The following LRRC8C variants were observed in gnomAD, a reference collection of about 807,000 sequenced individuals.
The protein encoded by LRRC8C is leucine rich repeat containing 8 VRAC subunit C.
LRRC8C carries 20 observed loss-of-function variants against 55.3 expected under a neutral mutation model. The ratio of observed to expected loss-of-function variants is 0.36; its 90% CI spans 0.25 to 0.53. LRRC8C has a LOEUF of 0.53. Ranked by LOEUF, LRRC8C falls within the 20% of genes least tolerant of loss-of-function variation. The probability of loss-of-function intolerance (pLI) is 0.92; values close to 1 mark genes in which losing one functional copy is unlikely to be tolerated. For synonymous variants in LRRC8C, 376 were observed against 360.7 expected, an observed-to-expected ratio of 1.04 and a Z score of -0.48; for missense variants, 659 against 951.4, an observed-to-expected ratio of 0.69 and a Z score of 4.04.
At chr1:89,684,084 A>T (rs1275353502) in intron 1 of LRRC8C, among the ~76,000 whole-genome samples, 1 of 152,062 alleles carries the variant, frequency 6.6e-6, no homozygotes, top group Non-Finnish European at 1.5e-5. Flanking sequence ...AATAAATTAT[A>T]TATATATTAC....
At chr1:89,700,595 C>A (rs1442119981) in intron 2 of LRRC8C, among the ~76,000 whole-genome samples, 3 of 152,206 alleles carry the variant, frequency 2.0e-5, no homozygotes, top group Admixed American at 6.5e-5. Context: ...TCTGAACAAT[C>A]CCTGGAGAAT....
intron 2 of LRRC8C, among the ~76,000 whole-genome samples, chr1:89,691,072 C>T (rs1208161281): frequency 2.0e-5 from 3 of 152,140 alleles, no homozygotes; most frequent in Non-Finnish European, 4.4e-5. Context: ...ACAAACAATC[C>T]TGTGCATCAG....
intron 1 of LRRC8C, among the ~76,000 whole-genome samples, chr1:89,645,037 C>T (rs7549392): frequency 0.011 from 1,652 of 152,246 alleles, 36 homozygotes; most frequent in African/African-American, 0.037. Context: ...AAATATAACT[C>T]ATTATCAAGA....
At chr1:89,694,491 G>C (rs546943022) in intron 2 of LRRC8C, among the ~76,000 whole-genome samples, 7 of 151,638 alleles carry the variant, frequency 4.6e-5, no homozygotes, top group Admixed American at 4.6e-4. Flanking sequence ...ACTCTGTTGC[G>C]CAGGCTGCTT....
chr1:89,675,742 G>A (rs988315608), intron 1 of LRRC8C, among the ~76,000 whole-genome samples: 3 of 152,188 alleles, frequency 2.0e-5, no homozygotes, highest in East Asian at 1.9e-4. Context: ...TTTAGAATCC[G>A]ATTGGGATTG....
chr1:89,638,671 G>T (rs1251261497), intron 1 of LRRC8C, among the ~76,000 whole-genome samples: 1 of 151,862 alleles, frequency 6.6e-6, no homozygotes, highest in Non-Finnish European at 1.5e-5. Context: ...ATACTTTATT[G>T]ACCCTTCAGC....
chr1:89,619,788 C>A, the LRRC8C span, among the ~76,000 whole-genome samples: 1 of 152,102 alleles, frequency 6.6e-6, no homozygotes, highest in Admixed American at 6.5e-5. Flanking sequence ...CACATGCTTA[C>A]AATATGTCAG....
chr1:89,686,253 T>C (rs546324385), intron 1 of LRRC8C, among the ~76,000 whole-genome samples: 226 of 152,248 alleles, frequency 1.5e-3, no homozygotes, highest in African/African-American at 5.3e-3. Context: ...ACCTTGTCAT[T>C]GGACAAGAAA....
chr1:89,709,741 G>GTTTTTTTTTTTTTTTTTTTTTTTTTTT, intron 2 of LRRC8C, among the ~76,000 whole-genome samples: 1 of 91,892 alleles, frequency 1.1e-5, no homozygotes, highest in African/African-American at 3.6e-5. Flanking sequence ...TTTGTGTGTG[G>GTTTTTTTTTTTTTTTTTTTTTTTTTTT]TTTTTTTTTG....
the LRRC8C span, among the ~76,000 whole-genome samples, chr1:89,619,992 G>C: frequency 6.6e-6 from 1 of 152,120 alleles, no homozygotes; most frequent in African/African-American, 2.4e-5. Context: ...AGTCCCTTTG[G>C]ACTGCTGTGA....
intron 2 of LRRC8C, among the ~76,000 whole-genome samples, chr1:89,691,865 A>G (rs1185379475): frequency 1.3e-5 from 2 of 152,216 alleles, no homozygotes; most frequent in South Asian, 2.1e-4. Context: ...AAAAAGAGAA[A>G]ATCGTTACAA....
Position 89,639,698 on chromosome 1 carries a change from A to G in LRRC8C, c.-5+6376A>G, listed in dbSNP as rs181376421. On this transcript the variant is annotated intron_variant, in intron 1 of 2. Transcript: ENST00000370454. The stretch of plus-strand genomic sequence containing the variant: ...CCATATCTGTCTTGTTCACTGCCAT[A>G]TATCTACAGCACTTGCAAAGTGTCT... Among the ~76,000 whole-genome samples the G allele has an allele frequency of 2.4e-4, 37 of 152,348 alleles. No individual in the cohort carries two copies. In the East Asian group the frequency reaches 5.8e-3, roughly 24 times the overall value.
chr1:89,677,697 C>G (rs1053355837), intron 1 of LRRC8C, among the ~76,000 whole-genome samples: 2 of 152,320 alleles, frequency 1.3e-5, no homozygotes, highest in Non-Finnish European at 1.5e-5. Flanking sequence ...ACTGGATGAT[C>G]TCTTTGACCT....
intron 1 of LRRC8C, among the ~76,000 whole-genome samples, chr1:89,679,288 T>A (rs1657636697): frequency 6.6e-6 from 1 of 152,156 alleles, no homozygotes; most frequent in Non-Finnish European, 1.5e-5. Context: ...GTGCAGTGGC[T>A]CATGCCTGTA....
Position 89,713,865 on chromosome 1 carries a change from T to G in LRRC8C, c.1295T>G (p.Met432Arg), listed in dbSNP as rs1395843172. Residue 432 changes from methionine to arginine, a missense_variant, in exon 3 of 3, where the codon ATG becomes AGG. Transcript: ENST00000370454. This position sits in a 1 kb window ranked among gnomAD's most constrained non-coding sequence, Gnocchi z 5.2. ...AATCGACTGGAATTGCCTCTTATCA[T>G]GCTCTCTGGCCTTCCAGACACTGTT... Reference protein sequence around the residue: ...AHNRLELPLIMLSGLPDTVFE... With the variant: ...AHNRLELPLIRLSGLPDTVFE... 1 of 1,614,218 alleles carries G rather than the reference T, an allele frequency of 6.2e-7. No individual in the cohort carries two copies. Among genetic ancestry groups the G allele is most frequent in the East Asian group, 2.2e-5 (1 of 44,882 alleles).
Position 89,677,055 on chromosome 1 carries a change from GA to G in LRRC8C, c.-4-9412del, listed in dbSNP as rs577992028. On this transcript the variant is annotated intron_variant, in intron 1 of 2. Coordinates refer to ENST00000370454, the MANE Select transcript of LRRC8C (RefSeq NM_032270.5). ...AACTGTCATGTAAAGCAAAAGCCTT[GA>G]AATGTACAGCCTGAAGCACACACAA... 8.1e-4 allele frequency among the ~76,000 whole-genome samples: 123 copies of G among 152,288 alleles called. 1 individual carries two copies. The highest frequency in any genetic ancestry group is 1.5e-3 in the Non-Finnish European group (104 of 68,018).
chr1:89,622,335 A>ATTTTTTT, the LRRC8C span, among the ~76,000 whole-genome samples: 2 of 145,478 alleles, frequency 1.4e-5, no homozygotes, highest in Non-Finnish European at 3.0e-5. Flanking sequence ...TACATGTAAA[A>ATTTTTTT]TTTTTTTTTT....
At chr1:89,682,742 T>C (rs1657754939) in intron 1 of LRRC8C, among the ~76,000 whole-genome samples, 1 of 152,218 alleles carries the variant, frequency 6.6e-6, no homozygotes, top group East Asian at 1.9e-4. Context: ...AATTACTGTT[T>C]TAATAACTTT....
In LRRC8C at chr1:89,690,249, G is replaced by T. The variant is rs538670583; in HGVS notation, c.138+3638G>T. On this transcript the variant is annotated intron_variant, in intron 2 of 2. Coordinates refer to ENST00000370454, the MANE Select transcript of LRRC8C (RefSeq NM_032270.5). ...TTGGTAGGGAGACAGAAAGACAGGC[G>T]TCTGTGCCTTATGGCTTGTTGTTTC... Among the ~76,000 whole-genome samples the T allele has an allele frequency of 2.0e-5, 3 of 152,122 alleles. No individual in the cohort carries two copies. The East Asian group carries it at 5.8e-4, about 29-fold the overall frequency.
Sources: allele counts gnomAD v4.1 joint callset (sites outside exome capture counted in the v4.1 genomes callset), GRCh38; gene constraint gnomAD v4.1.1; non-coding constraint Gnocchi (gnomAD v3.1); transcripts MANE v1.5; gene names NCBI Gene and HGNC (gene_info 2026-07-23, HGNC 2026-07-21).